Variants in GANC observed in about 807,000 individuals in gnomAD.
GANC encodes glucosidase alpha, neutral C.
GANC carries 117 observed loss-of-function variants against 124.2 expected under a neutral mutation model. The observed-to-expected ratio is 0.94, with a 90% CI of 0.81 to 1.10. GANC has a LOEUF of 1.10. GANC is among the 50% of genes least tolerant of loss of function. The probability of loss-of-function intolerance (pLI) is 0.00; values close to 1 mark genes in which losing one functional copy is unlikely to be tolerated. For missense variants in GANC, 1,140 were observed against 1,095.0 expected, an observed-to-expected ratio of 1.04 and a Z score of -0.58; for synonymous variants, 377 against 376.8, an observed-to-expected ratio of 1.00 and a Z score of -0.01.
At chr15:42,344,098 C>T (rs762638125) in intron 19 of GANC, among the ~76,000 whole-genome samples, 6 of 152,222 alleles carry the variant, frequency 3.9e-5, no homozygotes, top group Non-Finnish European at 8.8e-5. Context: ...AAACCACATC[C>T]AGCGCCGTGC....
At chr15:42,339,201 C>T (rs2052308194) in intron 16 of GANC, among the ~76,000 whole-genome samples, 1 of 151,934 alleles carries the variant, frequency 6.6e-6, no homozygotes, top group Non-Finnish European at 1.5e-5. Context: ...TTCTGATAAT[C>T]AGAACCTCTA....
intron 4 of GANC, among the ~76,000 whole-genome samples, chr15:42,289,049 G>A (rs561166059): frequency 6.6e-6 from 1 of 152,242 alleles, no homozygotes; most frequent in African/African-American, 2.4e-5. Context: ...AATTCACTTG[G>A]TATGGTAAAT....
intron 14 of GANC, 32 bp from the exon 15 acceptor site, chr15:42,330,544 C>T: frequency 6.6e-7 from 1 of 1,520,188 alleles, no homozygotes. Context: ...ATCCAATCAT[C>T]TCTTTGAAAT....
In GANC at chr15:42,321,064, AC is replaced by A. The variant is rs566020833; in HGVS notation, c.1058-719del. ...GGAAGGAGATACATGCAAGTGGTTG[AC>A]CAGAAGTCCTTCACGTTATCAGTAA... On this transcript the variant is annotated intron_variant, in intron 10 of 23. Transcript: ENST00000318010. 1.5e-3 allele frequency among the ~76,000 whole-genome samples: 232 copies of A among 152,314 alleles called. 1 individual carries two copies. The highest frequency in any genetic ancestry group is 4.6e-3 in the African/African-American group (192 of 41,564).
intron 22 of GANC, among the ~76,000 whole-genome samples, chr15:42,349,944 C>T (rs142987154): frequency 1.3e-3 from 193 of 151,326 alleles, no homozygotes; most frequent in South Asian, 4.8e-3. Flanking sequence ...CCACCGTGCC[C>T]GGCGCATTTC....
At chr15:42,303,381 G>A (rs927691298) in intron 6 of GANC, among the ~76,000 whole-genome samples, 1 of 152,124 alleles carries the variant, frequency 6.6e-6, no homozygotes, top group South Asian at 2.1e-4. Flanking sequence ...GGAAAAATCA[G>A]CCCTAGCCAC....
At chr15:42,286,727 G>C (rs942531973) in intron 3 of GANC, among the ~76,000 whole-genome samples, 1 of 152,138 alleles carries the variant, frequency 6.6e-6, no homozygotes, top group Non-Finnish European at 1.5e-5. Context: ...CATGTTTTTG[G>C]TGCTGGCTTG....
At chr15:42,299,580 T>G (rs1485772329) in intron 6 of GANC, among the ~76,000 whole-genome samples, 4 of 152,216 alleles carry the variant, frequency 2.6e-5, no homozygotes, top group Non-Finnish European at 4.4e-5. Flanking sequence ...ACCATTGACA[T>G]TCTTCACAGA....
intron 3 of GANC, among the ~76,000 whole-genome samples, chr15:42,283,117 A>T (rs980318450): frequency 6.6e-6 from 1 of 152,218 alleles, no homozygotes; most frequent in Non-Finnish European, 1.5e-5. Flanking sequence ...CATAGCAAAC[A>T]TGATGTTCCA....
intron 6 of GANC, among the ~76,000 whole-genome samples, chr15:42,301,594 G>A (rs1197623533): frequency 6.6e-6 from 1 of 152,120 alleles, no homozygotes; most frequent in Admixed American, 6.5e-5. Context: ...AGCAAGCTAA[G>A]ATCCACTGAG....
intron 20 of GANC, 30 bp downstream of exon 20, chr15:42,345,862 C>G (rs772893380): frequency 6.9e-7 from 1 of 1,455,394 alleles, no homozygotes; most frequent in South Asian, 1.2e-5. Context: ...CTATTTTTAC[C>G]TATCATGCTC....
In GANC at chr15:42,352,172, C is replaced by A. The variant is rs770214298; in HGVS notation, c.*33C>A. ...CTGCCCCTGGTGATGTGAGCAGGGACCTGCCTGCCCCTTTCAACCTTTCCC... is the reference window on the plus strand; with the variant it reads ...CTGCCCCTGGTGATGTGAGCAGGGAACTGCCTGCCCCTTTCAACCTTTCCC... On this transcript the variant is annotated 3_prime_UTR_variant, in exon 24 of 24. Transcript: ENST00000318010. The A allele has an allele frequency of 4.3e-6, 7 of 1,610,666 alleles. No individual in the cohort carries two copies. The highest frequency in any genetic ancestry group is 5.9e-6 in the Non-Finnish European group (7 of 1,177,774).
At chr15:42,317,522 A>G (rs1243593806) in intron 10 of GANC, among the ~76,000 whole-genome samples, 1 of 152,184 alleles carries the variant, frequency 6.6e-6, no homozygotes, top group Non-Finnish European at 1.5e-5. Context: ...TGAATTGGAC[A>G]CTTGGAAATG....
chr15:42,303,232 A>G (rs1156460938), intron 6 of GANC, among the ~76,000 whole-genome samples: 1 of 152,244 alleles, frequency 6.6e-6, no homozygotes, highest in Non-Finnish European at 1.5e-5. Flanking sequence ...TTTTCAATCC[A>G]GAATTTCATA....
chr15:42,309,949 G>A (rs1299043960), intron 8 of GANC, among the ~76,000 whole-genome samples: 1 of 152,136 alleles, frequency 6.6e-6, no homozygotes. Context: ...ACCCTGGAAG[G>A]TAGAGTTTGC....
chr15:42,310,900 A>G (rs532050523), intron 10 of GANC, 54 bp downstream of exon 10: 12 of 1,558,060 alleles, frequency 7.7e-6, no homozygotes, highest in Middle Eastern at 3.4e-4. Context: ...CCAATGTCCC[A>G]TGTGTCATCA....
chr15:42,311,892 A>C (rs925206976), intron 10 of GANC, among the ~76,000 whole-genome samples: 1 of 152,232 alleles, frequency 6.6e-6, no homozygotes, highest in Non-Finnish European at 1.5e-5. Flanking sequence ...CGCAATGAAC[A>C]ATCCAAAAAA....
At chr15:42,280,449 G>T (rs2051720577) in intron 3 of GANC, among the ~76,000 whole-genome samples, 1 of 152,170 alleles carries the variant, frequency 6.6e-6, no homozygotes, top group Non-Finnish European at 1.5e-5. Context: ...GCCAACCACT[G>T]TTTGCATGTG....
intron 18 of GANC, among the ~76,000 whole-genome samples, chr15:42,341,639 C>G (rs945588422): frequency 1.3e-5 from 2 of 151,876 alleles, no homozygotes; most frequent in South Asian, 4.1e-4. Context: ...TCTTGGCTCA[C>G]TGCAACCTCT....
Sources: gnomAD v4.1 joint callset for allele counts (sites outside exome capture counted in the v4.1 genomes callset) on GRCh38, gnomAD v4.1.1 for gene constraint, MANE v1.5 for transcripts, NCBI Gene and HGNC (gene_info 2026-07-23, HGNC 2026-07-21) for gene names.